The following GSTM5 variants were observed in gnomAD, a reference collection of about 807,000 sequenced individuals.
The protein encoded by GSTM5 is glutathione S-transferase mu 5, also known as GST class-mu 5.
A neutral mutation model predicts 29.0 loss-of-function variants in GSTM5; 24 were observed. That is an observed-to-expected ratio of 0.83 (90% confidence interval 0.60 to 1.16). GSTM5 has a LOEUF of 1.16. Ranked by LOEUF, GSTM5 falls within the 50% of genes most tolerant of loss-of-function variation. The pLI, the probability that GSTM5 is intolerant of heterozygous loss-of-function variation, is 0.00. For missense variants in GSTM5, 290 were observed against 263.0 expected (o/e 1.10, Z -0.71); for synonymous variants, 91 against 93.6 (o/e 0.97, Z 0.16).
chr1:109,716,265 C>G (rs750102128), intron 7 of GSTM5: 7 of 201,396 alleles, frequency 3.5e-5, no homozygotes, highest in Non-Finnish European at 7.0e-5. Context: ...TTCCCTTTCC[C>G]ACTCCCCATC....
intron 7 of GSTM5, chr1:109,716,493 A>G (rs1570652791): frequency 6.5e-6 from 1 of 153,662 alleles, no homozygotes; most frequent in African/African-American, 2.4e-5. Context: ...AATCCTGGTA[A>G]GATTGTGTGC....
Position 109,713,725 on chromosome 1 carries a change from C to T in GSTM5, c.324C>T (p.His108=), listed in dbSNP as rs760473991. The part of the protein sequence containing the change: ...DILENQVMDN[H]MELVRLCYDP... ...TGGAGAACCAGGTTATGGATAACCACATGGAGCTGGTCAGACTGTGCTATG... is the reference window on the plus strand; with the variant it reads ...TGGAGAACCAGGTTATGGATAACCATATGGAGCTGGTCAGACTGTGCTATG... The change falls in exon 5 of 8, where the codon CAC becomes CAT. Residue 108 remains histidine (H), a synonymous_variant. Transcript: ENST00000256593. 2.9e-5 allele frequency: 46 copies of T among 1,612,012 alleles called. No individual in the cohort carries two copies. Among genetic ancestry groups the T allele is most frequent in the Non-Finnish European group, 3.7e-5 (44 of 1,179,714 alleles).
At chr1:109,711,951 G>C (rs1160891092), upstream of GSTM5, among the ~76,000 whole-genome samples, 1 of 147,304 alleles carries the variant, frequency 6.8e-6, no homozygotes, top group African/African-American at 2.4e-5. Flanking sequence ...GAAGAGCTTT[G>C]CTCCGTTAGG....
intron 5 of GSTM5, chr1:109,714,067 C>G (rs1648661861): frequency 3.9e-6 from 1 of 254,288 alleles, no homozygotes; most frequent in East Asian, 1.2e-4. Flanking sequence ...TCTTGCATTC[C>G]TGCACGCACT....
chr1:109,713,824 G>A (rs1487380106), intron 5 of GSTM5, 63 bp downstream of exon 5: 11 of 1,415,010 alleles, frequency 7.8e-6, no homozygotes, highest in Non-Finnish European at 1.1e-5. Context: ...ACCAGGGAGG[G>A]ACTTCCAAAG....
chr1:109,713,615 G>A (rs200032114), intron 4 of GSTM5, 46 bp from the exon 5 acceptor site: 75 of 1,614,090 alleles, frequency 4.6e-5, no homozygotes, highest in Non-Finnish European at 5.8e-5. Flanking sequence ...CTCCTCCTTG[G>A]CTGGGCTGTG....
chr1:109,714,790 G>C (rs1648685194), intron 5 of GSTM5, 157 bp from the exon 6 acceptor site: 2 of 707,718 alleles, frequency 2.8e-6, no homozygotes, highest in Admixed American at 2.3e-5. Context: ...AATAAATGCT[G>C]ATGTATCCAA....
chr1:109,717,106 A>C, intron 7 of GSTM5: 1 of 421,692 alleles, frequency 2.4e-6, no homozygotes, highest in Non-Finnish European at 4.4e-6. Context: ...CACCCAGCAC[A>C]GTGTAGATCT....
intron 5 of GSTM5, 42 bp from the exon 6 acceptor site, chr1:109,714,905 G>C (rs757100365): frequency 8.7e-6 from 14 of 1,605,004 alleles, no homozygotes; most frequent in Middle Eastern, 1.7e-4. Flanking sequence ...TCTGTGCAGG[G>C]AGCTTTTGTC....
Position 109,717,563 on chromosome 1 carries a change from G to T in GSTM5, c.*137G>T, listed in dbSNP as rs572955480. On this transcript the variant is annotated 3_prime_UTR_variant, in exon 8 of 8. Transcript: ENST00000256593. ...TCTTCTCTTCCCCAAGGCCTCATTG[G>T]CTTCCTTTCTTCTAACATCATCCCT... The T allele has an allele frequency of 7.9e-5, 51 of 642,654 alleles. No individual in the cohort carries two copies. In the African/African-American group the frequency reaches 9.1e-4, roughly 11 times the overall value. The allele number at this position is 642,654 out of a possible 1,614,324, so 39.8% of individuals were successfully genotyped here.
chr1:109,712,140 T>G, upstream of GSTM5: 1 of 722,526 alleles, frequency 1.4e-6, no homozygotes, highest in Non-Finnish European at 2.5e-6. Flanking sequence ...AGGGGGCTTA[T>G]TGATTCCAGC....
At chr1:109,714,040 G>T in intron 5 of GSTM5, 1 of 313,656 alleles carries the variant, frequency 3.2e-6, no homozygotes, top group South Asian at 3.3e-5. Flanking sequence ...GGCAGAGTTT[G>T]GATTTGGGGC....
In GSTM5 at chr1:109,715,258, C is replaced by T. The variant is rs1343148957; in HGVS notation, c.567+18C>T. 6.2e-7 allele frequency: 1 copy of T among 1,614,250 alleles called. No individual in the cohort carries two copies. Among genetic ancestry groups the T allele is most frequent in the Non-Finnish European group, 8.5e-7 (1 of 1,180,038 alleles). The stretch of plus-strand genomic sequence containing the variant: ...GCTTTGAGGTGATGCCCCCATCCTC[C>T]TTTCTCTTTGATGCCCCTTGTTCCT... On this transcript the variant is annotated intron_variant, in intron 7 of 7. Coordinates refer to ENST00000256593, the MANE Select transcript of GSTM5 (RefSeq NM_000851.4).
chr1:109,712,416 C>A, intron 1 of GSTM5, 68 bp downstream of exon 1: 2 of 1,538,978 alleles, frequency 1.3e-6, no homozygotes, highest in Non-Finnish European at 1.8e-6. Context: ...AGCTGCAGGA[C>A]TGGCTCTAGG....
At chr1:109,715,351 G>A (rs755788970) in intron 7 of GSTM5, 111 bp downstream of exon 7, 9 of 1,605,130 alleles carry the variant, frequency 5.6e-6, no homozygotes, top group Admixed American at 1.7e-5. Flanking sequence ...TATTGAGTAC[G>A]GGCTTCATGC....
In GSTM5 at chr1:109,717,392, T is replaced by C. The variant is rs1487709061; in HGVS notation, c.623T>C (p.Leu208Ser). The part of the protein sequence containing the change: ...MKSSQFLRGL[L>S]FGKSATWNSK ...TCCAGCCAATTCCTCCGAGGTCTTT[T>C]GTTTGGAAAGTCAGCTACATGGAAC... is the stretch of plus-strand genomic sequence containing the variant. The change falls in exon 8 of 8, where the codon TTG (leucine) becomes TCG (serine). Residue 208 changes from leucine (L) to serine (S), a missense_variant. By Grantham distance (145) the Leu-to-Ser change is moderately radical. Coordinates refer to ENST00000256593, the MANE Select transcript of GSTM5 (RefSeq NM_000851.4). 1 of 1,613,988 alleles carries C rather than the reference T, an allele frequency of 6.2e-7. No homozygotes were observed. Among genetic ancestry groups the C allele is most frequent in the Non-Finnish European group, 8.5e-7 (1 of 1,179,972 alleles).
At chr1:109,717,277 A>T in intron 7 of GSTM5, 60 bp from the exon 8 acceptor site, 3 of 1,297,290 alleles carry the variant, frequency 2.3e-6, no homozygotes, top group Non-Finnish European at 2.2e-6. Context: ...GCCTGCAGCA[A>T]AGCTACTTGA....
At position 109,717,669 on chromosome 1, in the gene GSTM5, C is replaced by T; in HGVS notation, c.*243C>T. On this transcript the variant is annotated 3_prime_UTR_variant, in exon 8 of 8. Coordinates refer to ENST00000256593, the MANE Select transcript of GSTM5 (RefSeq NM_000851.4). ...CCCTCCTAACGTCTTCCTTTCCCTG[C>T]ACTAACGCCAACCTGACTGCTTTTC... 2.2e-6 allele frequency: 1 copy of T among 461,470 alleles called. No individual in the cohort carries two copies. Among genetic ancestry groups the T allele is most frequent in the East Asian group, 4.2e-5 (1 of 23,970 alleles). 28.6% of individuals were successfully genotyped at this position (461,470 alleles called of 1,614,324 possible). A position where few individuals can be genotyped will look rare whatever the true frequency, so the allele number is the denominator to read the frequency against.
At position 109,713,114 on chromosome 1, in the gene GSTM5, C is replaced by T. The variant is rs749590345; in HGVS notation, c.113-5C>T. ...AGGTTTGTTTTCACTTCTTCCCCAC[C>T]ACAGCTCCTGACTATGACAGAAGCC... On this transcript the variant is annotated splice_region_variant and splice_polypyrimidine_tract_variant and intron_variant, in intron 2 of 7. Transcript: ENST00000256593. 6.2e-7 allele frequency: 1 copy of T among 1,612,002 alleles called. No homozygotes were observed. The highest frequency in any genetic ancestry group is 1.1e-5 in the South Asian group (1 of 90,986).
Sources: gnomAD v4.1 joint callset for allele counts (sites outside exome capture counted in the v4.1 genomes callset) on GRCh38, gnomAD v4.1.1 for gene constraint, MANE v1.5 for transcripts, NCBI Gene and HGNC (gene_info 2026-07-23, HGNC 2026-07-21) for gene names.